Variants in PRRT1B observed in about 807,000 individuals in gnomAD.
The protein encoded by PRRT1B is dispanin subfamily D member 2.
chr9:131,550,651 T>G (rs11243421), intron 1 of PRRT1B, among the ~76,000 whole-genome samples: 3 of 151,602 alleles, frequency 2.0e-5, no homozygotes, highest in Non-Finnish European at 4.4e-5. Context: ...GAGTCGGGAC[T>G]GCGCCCCGTA....
chr9:131,546,716 G>C (rs1950977960), intron 1 of PRRT1B, among the ~76,000 whole-genome samples: 1 of 151,870 alleles, frequency 6.6e-6, no homozygotes, highest in Non-Finnish European at 1.5e-5. Flanking sequence ...GCCTGGCGGA[G>C]GCTCCGGTGT....
At chr9:131,552,362 T>C (rs557749918) in intron 1 of PRRT1B, among the ~76,000 whole-genome samples, 2 of 152,326 alleles carry the variant, frequency 1.3e-5, no homozygotes, top group South Asian at 2.1e-4. Flanking sequence ...CAATATCAGG[T>C]CATCTCAGGG....
At chr9:131,548,186 C>T (rs779850330) in intron 1 of PRRT1B, among the ~76,000 whole-genome samples, 1 of 152,064 alleles carries the variant, frequency 6.6e-6, no homozygotes, top group African/African-American at 2.4e-5. Flanking sequence ...TCTCTTCTCT[C>T]CACTTTCCTG....
At chr9:131,546,917 G>C (rs909187244) in intron 1 of PRRT1B, among the ~76,000 whole-genome samples, 3 of 152,108 alleles carry the variant, frequency 2.0e-5, no homozygotes, top group Admixed American at 6.5e-5. Context: ...TGTTTAGAGT[G>C]GAGAGCTGAC....
At chr9:131,545,785 G>T in intron 1 of PRRT1B, 145 bp downstream of exon 1, 1 of 400,826 alleles carries the variant, frequency 2.5e-6, no homozygotes, top group Non-Finnish European at 4.4e-6. Context: ...GGTGCTGGAG[G>T]GGGTGTAAGG....
At chr9:131,559,060 C>A (rs1951068858), downstream of PRRT1B, among the ~76,000 whole-genome samples, 1 of 152,226 alleles carries the variant, frequency 6.6e-6, no homozygotes, top group African/African-American at 2.4e-5. Flanking sequence ...GCCTGTAGAA[C>A]CGTACCTATG....
At chr9:131,546,768 A>G (rs1950978275) in intron 1 of PRRT1B, among the ~76,000 whole-genome samples, 2 of 152,128 alleles carry the variant, frequency 1.3e-5, no homozygotes, top group South Asian at 4.1e-4. Flanking sequence ...GGCCCCCGCC[A>G]GGCAGCGCCG....
At chr9:131,549,197 T>C (rs1385892024) in intron 1 of PRRT1B, among the ~76,000 whole-genome samples, 1 of 152,162 alleles carries the variant, frequency 6.6e-6, no homozygotes, top group East Asian at 1.9e-4. Context: ...TGTACAATAA[T>C]AGAGTAGAGG....
intron 1 of PRRT1B, among the ~76,000 whole-genome samples, chr9:131,549,441 C>G (rs960837685): frequency 5.9e-5 from 9 of 152,160 alleles, no homozygotes; most frequent in African/African-American, 2.2e-4. Context: ...TGTGCGGGAC[C>G]CCACTGAAAA....
downstream of PRRT1B, among the ~76,000 whole-genome samples, chr9:131,559,583 A>G (rs914281947): frequency 1.6e-4 from 25 of 152,226 alleles, no homozygotes; most frequent in Admixed American, 1.5e-3. Context: ...CTGAAACAGG[A>G]GAATGGCCCA....
intron 3 of PRRT1B, among the ~76,000 whole-genome samples, chr9:131,557,562 C>T (rs1429802655): frequency 6.6e-6 from 1 of 152,112 alleles, no homozygotes; most frequent in African/African-American, 2.4e-5. Flanking sequence ...CAAAAGCAGG[C>T]AAGGCTCTGG....
chr9:131,556,357 C>T (rs1455953778), intron 3 of PRRT1B, 144 bp downstream of exon 3: 1 of 397,026 alleles, frequency 2.5e-6, no homozygotes, highest in African/African-American at 2.1e-5. Flanking sequence ...AAGTCAGAGC[C>T]CAGTTGTTTG....
rs1410934947 is a variant in PRRT1B, at chr9:131,557,603, A to G, written c.643-450A>G. Among the ~76,000 whole-genome samples the G allele has an allele frequency of 9.2e-5, 14 of 152,354 alleles. No individual in the cohort carries two copies. The East Asian group carries it at 2.3e-3, about 25-fold the overall frequency. ...CTATGCTCAAGGCTGACCTGGACTC[A>G]GCCCTGGCTTGACTCTGCTGTTCAA... On this transcript the variant is annotated intron_variant, in intron 3 of 3. Coordinates refer to ENST00000636672, the Ensembl canonical transcript of PRRT1B.
At position 131,549,422 on chromosome 9, in the gene PRRT1B, TGTCCCATC is replaced by T; in HGVS notation, c.25+3783_25+3790del. Among the ~76,000 whole-genome samples, 3 of 116,226 alleles carry T rather than the reference TGTCCCATC, an allele frequency of 2.6e-5. No homozygotes were observed. In the East Asian group the frequency reaches 6.9e-4, roughly 27 times the overall value. The allele number at this position is 116,226 out of a possible 152,430, so 76.2% of individuals were successfully genotyped here. ...CCAGCCCGGGATTCCTCCTAAGCCA[TGTCCCATC>T]TGTGCGGGACCCCACTGAAAATTGG... On this transcript the variant is annotated intron_variant, in intron 1 of 3. Coordinates refer to ENST00000636672, the Ensembl canonical transcript of PRRT1B.
intron 1 of PRRT1B, among the ~76,000 whole-genome samples, chr9:131,548,543 G>A (rs1950990343): frequency 6.6e-6 from 1 of 152,122 alleles, no homozygotes; most frequent in Non-Finnish European, 1.5e-5. Context: ...CCGGTCTGAG[G>A]TGCCTGACAT....
exon 1 of PRRT1B, chr9:131,545,620 AGGCAGGAGCTGGAGG>A: frequency 2.5e-6 from 1 of 397,368 alleles, no homozygotes; most frequent in Non-Finnish European, 4.4e-6. Flanking sequence ...CGGACCATGG[AGGCAGGAGCTGGAGG>A]GGCAGGTGCC....
rs905421584 is a variant in PRRT1B, at chr9:131,555,329, G to C, written c.498+300G>C. Among the ~76,000 whole-genome samples the C allele has an allele frequency of 3.4e-5, 5 of 145,522 alleles. No homozygotes were observed. The South Asian group carries it at 8.3e-4, about 24-fold the overall frequency. Reference sequence around the variant, plus strand: ...GGGAGGGCAGGAAGGTGGAACCCGTGGGGAGGGACCCCAGAAACTTTGGGC... The same window carrying C: ...GGGAGGGCAGGAAGGTGGAACCCGTCGGGAGGGACCCCAGAAACTTTGGGC... On this transcript the variant is annotated intron_variant, in intron 2 of 3. Coordinates refer to ENST00000636672, the Ensembl canonical transcript of PRRT1B.
At chr9:131,556,936 C>T (rs1951054368) in intron 3 of PRRT1B, among the ~76,000 whole-genome samples, 1 of 151,994 alleles carries the variant, frequency 6.6e-6, no homozygotes, top group African/African-American at 2.4e-5. Context: ...CCTGGCCCAT[C>T]CACCATCTCT....
chr9:131,545,768 C>A, intron 1 of PRRT1B, 128 bp downstream of exon 1: 1 of 323,586 alleles, frequency 3.1e-6, no homozygotes, highest in Admixed American at 6.0e-5. Context: ...CAGGTGCTGG[C>A]GGAGCGGGTG....
Sources: allele counts gnomAD v4.1 joint callset (sites outside exome capture counted in the v4.1 genomes callset), GRCh38; gene constraint gnomAD v4.1.1; transcripts MANE v1.5; gene names NCBI Gene and HGNC (gene_info 2026-07-23, HGNC 2026-07-21).